EXOC6B: variants seen among roughly 807,000 people sequenced by gnomAD.
EXOC6B encodes the protein exocyst complex component 6B.
A neutral mutation model predicts 113.5 loss-of-function variants in EXOC6B; 54 were observed. The observed-to-expected ratio is 0.48, with a 90% CI of 0.38 to 0.60. The LOEUF (loss-of-function observed/expected upper bound fraction) is 0.60. Among genes scored for constraint, EXOC6B ranks in the 20% least tolerant of loss-of-function variants. EXOC6B has a pLI of 0.00. For synonymous variants in EXOC6B, 357 were observed against 339.0 expected, an observed-to-expected ratio of 1.05 and a Z score of -0.58; for missense variants, 797 against 977.5, an observed-to-expected ratio of 0.82 and a Z score of 2.46.
chr2:72,273,326 T>C (rs1446789197), intron 20 of EXOC6B, among the ~76,000 whole-genome samples: 1 of 152,200 alleles, frequency 6.6e-6, no homozygotes, highest in Admixed American at 6.6e-5. Context: ...ATTCATTCAT[T>C]TAGCAAACAT....
chr2:72,685,115 T>C (rs951058512), intron 6 of EXOC6B, among the ~76,000 whole-genome samples: 1 of 152,164 alleles, frequency 6.6e-6, no homozygotes, highest in South Asian at 2.1e-4. Flanking sequence ...TGATGGATAA[T>C]AGATGGATAT....
chr2:72,527,628 T>C (rs1483860080), intron 8 of EXOC6B, among the ~76,000 whole-genome samples: 3 of 151,980 alleles, frequency 2.0e-5, no homozygotes, highest in African/African-American at 7.2e-5. Context: ...GCTTAATTTT[T>C]CAAGAAATTG....
intron 8 of EXOC6B, among the ~76,000 whole-genome samples, chr2:72,540,065 G>T (rs1486580476): frequency 6.7e-6 from 1 of 150,092 alleles, no homozygotes; most frequent in Non-Finnish European, 1.5e-5. Flanking sequence ...TTGTTCTTGC[G>T]ATAGTTTACT....
intron 19 of EXOC6B, among the ~76,000 whole-genome samples, chr2:72,341,835 ATGT>A (rs1689047417): frequency 6.6e-6 from 1 of 152,150 alleles, no homozygotes; most frequent in South Asian, 2.1e-4. Context: ...GATAGGTCAT[ATGT>A]TGAGTCACAA....
At chr2:72,253,091 G>A (rs114271070) in intron 20 of EXOC6B, among the ~76,000 whole-genome samples, 3,862 of 152,138 alleles carry the variant, frequency 0.025, 163 homozygotes, top group African/African-American at 0.089. Context: ...AAAAGCATAC[G>A]AAAAAATGCT....
At chr2:72,694,753 G>A (rs1312261725) in intron 6 of EXOC6B, among the ~76,000 whole-genome samples, 2 of 152,228 alleles carry the variant, frequency 1.3e-5, no homozygotes, top group Non-Finnish European at 2.9e-5. Context: ...CACATGGCCG[G>A]AGTCACCTTT....
At chr2:72,190,003 TTCCC>T in intron 20 of EXOC6B, among the ~76,000 whole-genome samples, 1 of 149,814 alleles carries the variant, frequency 6.7e-6, no homozygotes, top group Non-Finnish European at 1.5e-5. Flanking sequence ...TTTTCCTTCT[TTCCC>T]TCCCTCCCTC....
At chr2:72,350,350 C>T (rs1689584411) in intron 19 of EXOC6B, among the ~76,000 whole-genome samples, 1 of 152,000 alleles carries the variant, frequency 6.6e-6, no homozygotes, top group Non-Finnish European at 1.5e-5. Context: ...ACTTTTCCCC[C>T]AATATAGAAT....
At chr2:72,531,163 A>G (rs1230260210) in intron 8 of EXOC6B, among the ~76,000 whole-genome samples, 1 of 151,842 alleles carries the variant, frequency 6.6e-6, no homozygotes, top group Non-Finnish European at 1.5e-5. Flanking sequence ...TTGCCTTCCT[A>G]TGGGTTCCCT....
intron 1 of EXOC6B, among the ~76,000 whole-genome samples, chr2:72,792,375 T>C (rs1684722629): frequency 1.3e-5 from 2 of 152,222 alleles, no homozygotes; most frequent in Admixed American, 1.3e-4. Context: ...TTTGGGGTTA[T>C]TTTGAAGATT....
intron 6 of EXOC6B, among the ~76,000 whole-genome samples, chr2:72,689,895 T>G (rs1266180870): frequency 6.6e-6 from 1 of 152,194 alleles, no homozygotes; most frequent in Non-Finnish European, 1.5e-5. Context: ...ATTGCTAAGC[T>G]TCTCATTCCA....
At chr2:72,573,596 A>C (rs1401533660) in intron 7 of EXOC6B, among the ~76,000 whole-genome samples, 1 of 152,174 alleles carries the variant, frequency 6.6e-6, no homozygotes, top group African/African-American at 2.4e-5. Context: ...CCAATAGATA[A>C]CACTCAAAAG....
At chr2:72,620,749 A>C (rs1671695145) in intron 6 of EXOC6B, among the ~76,000 whole-genome samples, 1 of 152,022 alleles carries the variant, frequency 6.6e-6, no homozygotes, top group African/African-American at 2.4e-5. Flanking sequence ...ATATTCATAA[A>C]CTATGCATTT....
chr2:72,512,312 CACGG>C (rs1700947232), intron 11 of EXOC6B, among the ~76,000 whole-genome samples: 17 of 125,226 alleles, frequency 1.4e-4, no homozygotes, highest in South Asian at 2.5e-4. Flanking sequence ...CTTTAAGAAA[CACGG>C]AAGGAAGGAA....
chr2:72,397,057 C>T (rs1692775900), intron 18 of EXOC6B, among the ~76,000 whole-genome samples: 1 of 151,696 alleles, frequency 6.6e-6, no homozygotes, highest in South Asian at 2.1e-4. Flanking sequence ...TAATAATAAT[C>T]CATGGCAATT....
At chr2:72,371,739 A>G (rs879522360) in intron 19 of EXOC6B, among the ~76,000 whole-genome samples, 1 of 152,212 alleles carries the variant, frequency 6.6e-6, no homozygotes, top group Non-Finnish European at 1.5e-5. Flanking sequence ...TGAATGGAGA[A>G]AAACCAAAAG....
chr2:72,507,645 C>T lies in EXOC6B; in HGVS notation c.1167+5487G>A, dbSNP rs181904086. ...TATCACCTCTTTAATCCCTAAGCAA[C>T]CACTAGTCTACTTTTTACCTCTACA... On this transcript the variant is annotated intron_variant, in intron 11 of 21. Transcript: ENST00000272427. Among the ~76,000 whole-genome samples the T allele has an allele frequency of 3.7e-4, 56 of 152,158 alleles. No homozygotes were observed. In the East Asian group the frequency reaches 8.9e-3, roughly 24 times the overall value.
chr2:72,819,117 T>C (rs1024027832), intron 1 of EXOC6B, among the ~76,000 whole-genome samples: 6 of 152,322 alleles, frequency 3.9e-5, no homozygotes, highest in African/African-American at 1.2e-4. Context: ...AATGAATATA[T>C]GAATGAATCA....
intron 6 of EXOC6B, among the ~76,000 whole-genome samples, chr2:72,606,542 A>C (rs1181429823): frequency 6.6e-6 from 1 of 152,174 alleles, no homozygotes; most frequent in Non-Finnish European, 1.5e-5. Context: ...CAGCCTAAGC[A>C]AAACAGTAAG....
Sources: gnomAD v4.1 joint callset for allele counts (sites outside exome capture counted in the v4.1 genomes callset) on GRCh38, gnomAD v4.1.1 for gene constraint, MANE v1.5 for transcripts, NCBI Gene and HGNC (gene_info 2026-07-23, HGNC 2026-07-21) for gene names.